Variants in SPRED2 observed in about 807,000 individuals in gnomAD.
SPRED2 encodes the protein sprouty-related, EVH1 domain-containing protein 2.
SPRED2 carries 47 observed loss-of-function variants against 43.0 expected under a neutral mutation model. The observed-to-expected ratio is 1.09, with a 90% CI of 0.87 to 1.40. The LOEUF (loss-of-function observed/expected upper bound fraction) is 1.40. SPRED2 is among the 40% of genes most tolerant of loss of function. The pLI is 0.00. For missense variants in SPRED2, 561 were observed against 586.4 expected (o/e 0.96, Z 0.45); for synonymous variants, 225 against 225.7 (o/e 1.00, Z 0.03).
At chr2:65,375,651 A>G (rs1237671702) in intron 1 of SPRED2, among the ~76,000 whole-genome samples, 1 of 152,220 alleles carries the variant, frequency 6.6e-6, no homozygotes, top group Non-Finnish European at 1.5e-5. Context: ...TAATGCACAA[A>G]CCAGAATAAA....
chr2:65,334,988 C>A (rs1449855983), intron 2 of SPRED2, among the ~76,000 whole-genome samples: 1 of 152,178 alleles, frequency 6.6e-6, no homozygotes, highest in Admixed American at 6.5e-5. Flanking sequence ...TGGTTGTACC[C>A]CTTCACTACA....
At chr2:65,359,287 G>A (rs540477500) in intron 1 of SPRED2, among the ~76,000 whole-genome samples, 1 of 152,144 alleles carries the variant, frequency 6.6e-6, no homozygotes, top group East Asian at 1.9e-4. Context: ...TTACTTTCCT[G>A]ACATAAAAGA....
intron 1 of SPRED2, among the ~76,000 whole-genome samples, chr2:65,385,927 A>T (rs1378283935): frequency 6.6e-6 from 1 of 152,298 alleles, no homozygotes; most frequent in East Asian, 1.9e-4. Context: ...TTTTCCAGCA[A>T]TTGTTAACTG....
intron 1 of SPRED2, among the ~76,000 whole-genome samples, chr2:65,409,086 G>T (rs1676094284): frequency 6.6e-6 from 1 of 152,230 alleles, no homozygotes; most frequent in Admixed American, 6.5e-5. Context: ...AGAAAAGGAA[G>T]TATTATGAGC....
intron 1 of SPRED2, among the ~76,000 whole-genome samples, chr2:65,383,460 T>C (rs920363784): frequency 6.6e-6 from 1 of 152,180 alleles, no homozygotes; most frequent in Non-Finnish European, 1.5e-5. Context: ...ATTTAAAATA[T>C]CCTCAGATAG....
intron 2 of SPRED2, among the ~76,000 whole-genome samples, chr2:65,340,050 G>A (rs1351457441): frequency 6.6e-6 from 1 of 152,140 alleles, no homozygotes; most frequent in Non-Finnish European, 1.5e-5. Flanking sequence ...ATAAAGCCAT[G>A]CCACTCTTCT....
intron 1 of SPRED2, among the ~76,000 whole-genome samples, chr2:65,422,018 G>A (rs1676435286): frequency 6.6e-6 from 1 of 151,058 alleles, no homozygotes; most frequent in Non-Finnish European, 1.5e-5. Context: ...GTGGTATGTG[G>A]ACACTTGACG....
chr2:65,343,053 A>C (rs550832823), intron 2 of SPRED2, among the ~76,000 whole-genome samples: 1 of 152,224 alleles, frequency 6.6e-6, no homozygotes, highest in Non-Finnish European at 1.5e-5. Flanking sequence ...CCAGGCCCCC[A>C]AAACAGGCCA....
intron 1 of SPRED2, among the ~76,000 whole-genome samples, chr2:65,363,650 A>C (rs1400876112): frequency 6.6e-6 from 1 of 152,252 alleles, no homozygotes; most frequent in Non-Finnish European, 1.5e-5. Context: ...AGACAGGCCA[A>C]GCCTCCTGAG....
chr2:65,393,117 T>C (rs905813447), intron 1 of SPRED2, among the ~76,000 whole-genome samples: 3 of 152,198 alleles, frequency 2.0e-5, no homozygotes, highest in Admixed American at 6.5e-5. Flanking sequence ...TATGTTATTT[T>C]AAATAATCCT....
chr2:65,332,211 CTTCT>C, intron 3 of SPRED2, 160 bp from the exon 4 acceptor site: 1 of 493,196 alleles, frequency 2.0e-6, no homozygotes, highest in South Asian at 2.6e-5. Context: ...TTAATTTACT[CTTCT>C]TTAATTGATT....
At chr2:65,314,299 C>T (rs756858156) in intron 5 of SPRED2, 130 bp from the exon 6 acceptor site, 1 of 844,306 alleles carries the variant, frequency 1.2e-6, no homozygotes, top group South Asian at 1.8e-5. Context: ...CACGATGCTC[C>T]GTGAAGAAAC....
chr2:65,377,512 C>CT, intron 1 of SPRED2: 1 of 461,460 alleles, frequency 2.2e-6, no homozygotes, highest in Non-Finnish European at 4.5e-6. Flanking sequence ...GCGTCTGACT[C>CT]TAAGAAATTC....
At chr2:65,341,104 C>CGTGTGTGTGTGTGT (rs60332643) in intron 2 of SPRED2, among the ~76,000 whole-genome samples, 14 of 137,176 alleles carry the variant, frequency 1.0e-4, no homozygotes, top group African/African-American at 3.9e-4. Flanking sequence ...TGGGTACGGG[C>CGTGTGTGTGTGTGT]GTGTGTGTGT....
intron 1 of SPRED2, among the ~76,000 whole-genome samples, chr2:65,357,614 T>C (rs1004971605): frequency 5.3e-5 from 8 of 152,188 alleles, no homozygotes; most frequent in Non-Finnish European, 7.3e-5. Flanking sequence ...TTATTCCTTA[T>C]CTTGGTCCCT....
intron 4 of SPRED2, among the ~76,000 whole-genome samples, chr2:65,320,573 C>T (rs984116767): frequency 2.0e-5 from 3 of 152,138 alleles, no homozygotes; most frequent in Non-Finnish European, 4.4e-5. Flanking sequence ...CAGAAGACCT[C>T]GAGAGGCATG....
downstream of SPRED2, among the ~76,000 whole-genome samples, chr2:65,307,193 T>TTTTA (rs1016058151): frequency 7.2e-5 from 11 of 152,032 alleles, no homozygotes; most frequent in Non-Finnish European, 1.2e-4. Flanking sequence ...TTATATGACA[T>TTTTA]TTTATTTATT....
chr2:65,334,176 G>A (rs991618845), intron 3 of SPRED2: 1 of 471,186 alleles, frequency 2.1e-6, no homozygotes, highest in African/African-American at 2.0e-5. Flanking sequence ...TTCCTTTTCA[G>A]TGGCAGCTGT....
chr2:65,375,177 C>T (rs17030217), intron 1 of SPRED2, among the ~76,000 whole-genome samples: 6,457 of 152,306 alleles, frequency 0.042, 472 homozygotes, highest in African/African-American at 0.15. Flanking sequence ...CCCTGATGTG[C>T]CTCAAGCATT....
Sources: allele counts gnomAD v4.1 joint callset (sites outside exome capture counted in the v4.1 genomes callset), GRCh38; gene constraint gnomAD v4.1.1; transcripts MANE v1.5; gene names NCBI Gene and HGNC (gene_info 2026-07-23, HGNC 2026-07-21).